The following ST18 variants were observed in gnomAD, a reference collection of about 807,000 sequenced individuals.
ST18 encodes suppression of tumorigenicity 18 protein.
Under a neutral mutation model 110.0 loss-of-function variants are expected in ST18, and 50 were observed. That is an observed-to-expected ratio of 0.45 (90% CI 0.36 to 0.58). ST18 has a LOEUF of 0.58. Ranked by LOEUF, ST18 falls within the 20% of genes least tolerant of loss-of-function variation. ST18 has a pLI of 0.00. For synonymous variants in ST18, 461 were observed against 452.4 expected (o/e 1.02, Z -0.24); for missense variants, 1,306 against 1,280.1 (o/e 1.02, Z -0.31).
rs758704207 is a variant in ST18 at position 52,149,974 on chromosome 8, CT to C, written c.1809del (p.Ala604ProfsTer3). ...CCATTTTCATCCACTTCTATTTCGG[CT>C]CCCTGGTATACAATAGGAAACAGAA... ...SNKPQSLHAK[G>X]AEIEVDENGT... On this transcript the variant is annotated frameshift_variant and splice_region_variant, in exon 16 of 26. Transcript: ENST00000689386. LOFTEE classifies it high-confidence loss of function. 6.2e-7 allele frequency: 1 copy of C among 1,613,126 alleles called. No individual in the cohort carries two copies. Among genetic ancestry groups the C allele is most frequent in the South Asian group, 1.1e-5 (1 of 90,824 alleles).
upstream of ST18, chr8:52,409,820 A>C (rs1347918133): frequency 6.6e-6 from 1 of 152,264 alleles, no homozygotes; most frequent in East Asian, 1.9e-4. Context: ...GCACAAAGAA[A>C]ATGCTGTCTA....
chr8:52,399,891 A>G (rs983984111), intron 2 of ST18, among the ~76,000 whole-genome samples: 4 of 152,066 alleles, frequency 2.6e-5, no homozygotes, highest in Non-Finnish European at 4.4e-5. Context: ...TGCTGCTATT[A>G]GATTGAAAGT....
At chr8:52,322,045 T>C (rs1275560796) in intron 2 of ST18, among the ~76,000 whole-genome samples, 1 of 152,228 alleles carries the variant, frequency 6.6e-6, no homozygotes, top group Non-Finnish European at 1.5e-5. Flanking sequence ...GGAGCAACCA[T>C]TCTGTACAAT....
chr8:52,297,847 T>A (rs2095658326), intron 2 of ST18, among the ~76,000 whole-genome samples: 1 of 152,196 alleles, frequency 6.6e-6, no homozygotes, highest in African/African-American at 2.4e-5. Flanking sequence ...GGAAAAAAAG[T>A]GATCATTACC....
chr8:52,294,950 T>A (rs1359420161), intron 2 of ST18, among the ~76,000 whole-genome samples: 1 of 152,244 alleles, frequency 6.6e-6, no homozygotes, highest in Non-Finnish European at 1.5e-5. Flanking sequence ...CTGTGCTTTA[T>A]CTCTTAAAAC....
chr8:52,130,119 A>AAAGAAAAAGAAAGAAAG (rs67888949), intron 22 of ST18, among the ~76,000 whole-genome samples: 1 of 105,164 alleles, frequency 9.5e-6, no homozygotes, highest in East Asian at 2.8e-4. Context: ...AGAAAGAAAG[A>AAAGAAAAAGAAAGAAAG]AAAGAAAGAA....
chr8:52,122,048 G>A (rs567653997), intron 23 of ST18, among the ~76,000 whole-genome samples: 6 of 152,142 alleles, frequency 3.9e-5, no homozygotes, highest in Non-Finnish European at 7.4e-5. Context: ...GTTTCACCAT[G>A]TTGGTCAGGA....
chr8:52,161,617 G>C (rs1327714430), intron 13 of ST18, 49 bp from the exon 14 acceptor site: 3 of 1,587,922 alleles, frequency 1.9e-6, no homozygotes, highest in Non-Finnish European at 2.6e-6. Context: ...GAAACTACTG[G>C]TGAGCACATT....
intron 2 of ST18, among the ~76,000 whole-genome samples, chr8:52,327,714 C>T (rs1232661276): frequency 1.3e-5 from 2 of 152,188 alleles, no homozygotes; most frequent in Non-Finnish European, 2.9e-5. Context: ...CTGGACTACA[C>T]CCAGCTGAGT....
chr8:52,274,619 T>A (rs2095178310), intron 2 of ST18, among the ~76,000 whole-genome samples: 1 of 152,186 alleles, frequency 6.6e-6, no homozygotes, highest in Admixed American at 6.5e-5. Flanking sequence ...TGCTCCGTCT[T>A]CTTCAACACC....
At chr8:52,155,329 A>G (rs2132794310) in intron 15 of ST18, among the ~76,000 whole-genome samples, 1 of 152,288 alleles carries the variant, frequency 6.6e-6, no homozygotes, top group Non-Finnish European at 1.5e-5. Flanking sequence ...CCTCAAAGAG[A>G]TACTTAAAAC....
intron 2 of ST18, among the ~76,000 whole-genome samples, chr8:52,247,505 G>A (rs1004831502): frequency 6.6e-6 from 1 of 152,178 alleles, no homozygotes; most frequent in African/African-American, 2.4e-5. Context: ...ACCCTTTGCT[G>A]TACCCGTAAG....
chr8:52,223,588 G>T (rs1007529998), intron 3 of ST18, among the ~76,000 whole-genome samples: 5 of 150,964 alleles, frequency 3.3e-5, no homozygotes, highest in Non-Finnish European at 1.5e-5. Context: ...AGGTTGCAGT[G>T]AGCCAAGATC....
rs184023157 is a variant in ST18, at chr8:52,223,415, G to A, written c.-418-1622C>T. ...TCCCAGCACTTTGGGAGGCCGAGGC[G>A]GGTGGATCACATGAGGCCAGGAGTT... is the stretch of plus-strand genomic sequence containing the variant. On this transcript the variant is annotated intron_variant, in intron 3 of 25. Coordinates refer to ENST00000689386, the MANE Select transcript of ST18 (RefSeq NM_001352837.2). Among the ~76,000 whole-genome samples, 718 of 152,154 alleles carry A rather than the reference G, an allele frequency of 4.7e-3. 3 individuals are homozygous for A. Among genetic ancestry groups the A allele is most frequent in the African/African-American group, 0.016 (673 of 41,510 alleles).
In ST18 at chr8:52,172,499, C is replaced by G. The variant is rs768616435; in HGVS notation, c.362G>C (p.Cys121Ser). The G allele has an allele frequency of 3.3e-5, 53 of 1,613,616 alleles. No individual in the cohort carries two copies. The highest frequency in any genetic ancestry group is 1.0e-4 in the Admixed American group (6 of 59,988). The part of the protein sequence containing the change: ...NSSRKEDRYS[C>S]YQELMVKSLM... ...AGACTTGACCATGAGCTCTTGATAA[C>G]AAGAGTATCTGTCTTCCTTCCTACT... The change falls in exon 10 of 26, where the codon TGT (cysteine) becomes TCT (serine). Residue 121 changes from cysteine (C) to serine (S), a missense_variant. By Grantham distance (112) the Cys-to-Ser change is moderately radical. Transcript: ENST00000689386.
chr8:52,339,007 T>C (rs1813574790), intron 2 of ST18, among the ~76,000 whole-genome samples: 1 of 152,158 alleles, frequency 6.6e-6, no homozygotes, highest in Admixed American at 6.5e-5. Context: ...GCCTCCCAAG[T>C]AGCTCACAGT....
At chr8:52,166,254 C>T (rs2062946663) in intron 11 of ST18, among the ~76,000 whole-genome samples, 1 of 152,206 alleles carries the variant, frequency 6.6e-6, no homozygotes, top group Non-Finnish European at 1.5e-5. Context: ...GACTGCCCCT[C>T]CCAGGCTAGC....
Position 52,141,497 on chromosome 8 carries a change from G to A in ST18, c.2168+1433C>T, listed in dbSNP as rs117702892. Among the ~76,000 whole-genome samples, 193 of 152,342 alleles carry A rather than the reference G, an allele frequency of 1.3e-3. 3 individuals carry two copies. The highest frequency in any genetic ancestry group is 1.6e-3 in the Non-Finnish European group (109 of 68,038). On this transcript the variant is annotated intron_variant, in intron 17 of 25. Coordinates refer to ENST00000689386, the MANE Select transcript of ST18 (RefSeq NM_001352837.2). ...AAAGACGGAGGAGAGAAGACCTCCCGTCCCCACTTTGTGCCCTCTGAGGCT... is the reference window on the plus strand; with the variant it reads ...AAAGACGGAGGAGAGAAGACCTCCCATCCCCACTTTGTGCCCTCTGAGGCT...
In ST18 at chr8:52,172,269, T is replaced by C. The variant is rs1444870492; in HGVS notation, c.592A>G (p.Ser198Gly). 2.5e-5 allele frequency: 40 copies of C among 1,614,106 alleles called. No individual in the cohort carries two copies. The highest frequency in any genetic ancestry group is 3.2e-5 in the Non-Finnish European group (38 of 1,180,050). ...CCACTGTCCCAGCCATTTTCTGCACTTTCAGAGTTACTTTCATTGTCATCA... is the reference window on the plus strand; with the variant it reads ...CCACTGTCCCAGCCATTTTCTGCACCTTCAGAGTTACTTTCATTGTCATCA... ...SSDDNESNSE[S>G]AENGWDSGSN... The change falls in exon 10 of 26, where the codon AGT (serine) becomes GGT (glycine). Residue 198 changes from serine to glycine, a missense_variant. Ser to Gly is a moderately conservative substitution (Grantham distance 56). Coordinates refer to ENST00000689386, the MANE Select transcript of ST18 (RefSeq NM_001352837.2).
Sources: gnomAD v4.1 joint callset for allele counts (sites outside exome capture counted in the v4.1 genomes callset) on GRCh38, gnomAD v4.1.1 for gene constraint, MANE v1.5 for transcripts, NCBI Gene and HGNC (gene_info 2026-07-23, HGNC 2026-07-21) for gene names.